The following GPAM variants were observed in gnomAD, a reference collection of about 807,000 sequenced individuals.
GPAM encodes the protein glycerol-3-phosphate acyltransferase, mitochondrial.
In GPAM, 56 loss-of-function variants were observed where a neutral mutation model predicts 105.0. That is an observed-to-expected ratio of 0.53 (90% CI 0.43 to 0.67). The LOEUF (loss-of-function observed/expected upper bound fraction) is 0.67. Among genes scored for constraint, GPAM ranks in the 30% least tolerant of loss-of-function variants. The pLI, the probability that GPAM is intolerant of heterozygous loss-of-function variation, is 0.00. For synonymous variants in GPAM, 368 were observed against 354.4 expected (o/e 1.04, Z -0.43); for missense variants, 855 against 989.8 (o/e 0.86, Z 1.83).
At chr10:112,173,676 C>A in intron 7 of GPAM, 23 bp downstream of exon 7, 1 of 1,612,042 alleles carries the variant, frequency 6.2e-7, no homozygotes, top group Non-Finnish European at 8.5e-7. Context: ...TGATTGAAAG[C>A]TTTCTGCCTT....
At position 112,157,293 on chromosome 10, in the gene GPAM, C is replaced by G; in HGVS notation, c.2077G>C (p.Glu693Gln). 1 of 1,613,800 alleles carries G rather than the reference C, an allele frequency of 6.2e-7. No individual in the cohort carries two copies. Among genetic ancestry groups the G allele is most frequent in the Non-Finnish European group, 8.5e-7 (1 of 1,179,650 alleles). ...PLSWRSDEEDEDSDFGEEQRD... is the reference protein window; with the variant it reads ...PLSWRSDEEDQDSDFGEEQRD... ...TGTTCCTCCCCAAAGTCACTGTCTT[C>G]ATCTTCTTCATCACTTCTCCAAGAC... The change falls in exon 19 of 22, where the codon GAA becomes CAA. Residue 693 changes from glutamate to glutamine, a missense_variant. Coordinates refer to ENST00000348367, the MANE Select transcript of GPAM (RefSeq NM_001244949.2).
chr10:112,197,532 A>G (rs919471685), intron 1 of GPAM, among the ~76,000 whole-genome samples: 1 of 146,480 alleles, frequency 6.8e-6, no homozygotes, highest in Admixed American at 7.0e-5. Context: ...ACATGTGCAC[A>G]TTGTGCAGGT....
At chr10:112,164,741 T>G (rs987296120) in intron 12 of GPAM, 131 bp from the exon 13 acceptor site, 20 of 681,626 alleles carry the variant, frequency 2.9e-5, no homozygotes, top group Non-Finnish European at 4.0e-5. Context: ...TGGGAAATAC[T>G]TTCTATATCC....
intron 17 of GPAM, among the ~76,000 whole-genome samples, chr10:112,159,581 A>AG (rs1847084994): frequency 6.6e-6 from 1 of 152,130 alleles, no homozygotes; most frequent in Admixed American, 6.5e-5. Context: ...CATCATCTAC[A>AG]GGTGGGTGTG....
upstream of GPAM, among the ~76,000 whole-genome samples, chr10:112,185,267 T>G (rs1847578336): frequency 6.6e-6 from 1 of 151,186 alleles, no homozygotes; most frequent in African/African-American, 2.4e-5. Flanking sequence ...CCTAACAAGG[T>G]AAAATTTGCA....
chr10:112,153,562 A>G lies in GPAM; in HGVS notation c.2475T>C (p.Phe825=). 6.2e-7 allele frequency: 1 copy of G among 1,614,058 alleles called. No individual in the cohort carries two copies. Residue 825 remains phenylalanine, a synonymous_variant, in exon 22 of 22, where the codon TTT becomes TTC. Transcript: ENST00000348367. Reference sequence around the variant, plus strand: ...TGCCACACGTTACCTACAGCACCACAAAACTCAGAATATATTCTAGAAGTT... The same window carrying G: ...TGCCACACGTTACCTACAGCACCACGAAACTCAGAATATATTCTAGAAGTT... ...RQKLLEYILS[F]VVL
At chr10:112,201,918 T>A (rs1168405330) in intron 1 of GPAM, among the ~76,000 whole-genome samples, 2 of 152,354 alleles carry the variant, frequency 1.3e-5, no homozygotes, top group African/African-American at 4.8e-5. Flanking sequence ...ATTGAGCATT[T>A]ACTCTGTGCC....
At chr10:112,222,823 G>A in the GPAM span, among the ~76,000 whole-genome samples, 1 of 152,178 alleles carries the variant, frequency 6.6e-6, no homozygotes, top group African/African-American at 2.4e-5. Flanking sequence ...ACAGAGCCAG[G>A]CCCAGCCACA....
rs543643567 is a variant in GPAM at position 112,181,873 on chromosome 10, C to G, written c.-29-60G>C. The G allele has an allele frequency of 3.8e-5, 29 of 771,550 alleles. No individual in the cohort carries two copies. In the South Asian group the frequency reaches 4.0e-4, roughly 11 times the overall value. 47.8% of individuals were successfully genotyped at this position (771,550 alleles called of 1,614,324 possible). A position where few individuals can be genotyped will look rare whatever the true frequency, so the allele number is the denominator to read the frequency against. The stretch of plus-strand genomic sequence containing the variant: ...AATCGAGAGAGTAAATACTAGAACT[C>G]AAAATTCTGATTTCTACATTACTTT... On this transcript the variant is annotated intron_variant, in intron 2 of 21. Transcript: ENST00000348367.
At chr10:112,156,743 T>C in intron 19 of GPAM, 1 of 172,380 alleles carries the variant, frequency 5.8e-6, no homozygotes. Flanking sequence ...AAAAGACGGG[T>C]CATTATTACT....
chr10:112,226,208 G>C, the GPAM span, among the ~76,000 whole-genome samples: 2 of 152,212 alleles, frequency 1.3e-5, no homozygotes, highest in African/African-American at 4.8e-5. Flanking sequence ...TCAAGGAGAT[G>C]CTAAAGGAGG....
rs145738940 is a variant in GPAM at position 112,176,259 on chromosome 10, G to A, written c.300-546C>T. Among the ~76,000 whole-genome samples the A allele has an allele frequency of 7.2e-3, 1,103 of 152,204 alleles. 14 individuals are homozygous for A. The highest frequency in any genetic ancestry group is 0.025 in the African/African-American group (1,054 of 41,540). On this transcript the variant is annotated intron_variant, in intron 5 of 21. Coordinates refer to ENST00000348367, the MANE Select transcript of GPAM (RefSeq NM_001244949.2). ...GCATGATCTAAATATTTGTACTCTA[G>A]GCTAACGAAGCCAGAATTTCTCACT...
chr10:112,173,688 C>G lies in GPAM; in HGVS notation c.560+11G>C, dbSNP rs1468400782. ...CTGTGATTGAAAGCTTTCTGCCTTG[C>G]CTTTTAATACCTGATCATTGCCGGT... On this transcript the variant is annotated intron_variant, in intron 7 of 21. Coordinates refer to ENST00000348367, the MANE Select transcript of GPAM (RefSeq NM_001244949.2). The G allele has an allele frequency of 6.2e-7, 1 of 1,613,294 alleles. No homozygotes were observed. The highest frequency in any genetic ancestry group is 8.5e-7 in the Non-Finnish European group (1 of 1,179,244).
chr10:112,150,245 T>C lies in GPAM; in HGVS notation c.*3305A>G, dbSNP rs1846890969. 1.0e-6 allele frequency: 1 copy of C among 984,072 alleles called. No homozygotes were observed. Among genetic ancestry groups the C allele is most frequent in the African/African-American group, 1.7e-5 (1 of 57,222 alleles). 61.0% of individuals were successfully genotyped at this position (984,072 alleles called of 1,614,324 possible). ...GAAACCTCAACGATAGGTCCTGTCA[T>C]GTCTAAACACTACAACTATCTGTGG... On this transcript the variant is annotated 3_prime_UTR_variant, in exon 22 of 22. Coordinates refer to ENST00000348367, the MANE Select transcript of GPAM (RefSeq NM_001244949.2).
rs1846904411 is a variant in GPAM at position 112,150,912 on chromosome 10, C to T, written c.*2638G>A. 3 of 985,106 alleles carry T rather than the reference C, an allele frequency of 3.0e-6. No individual in the cohort carries two copies. The highest frequency in any genetic ancestry group is 3.6e-6 in the Non-Finnish European group (3 of 829,696). 61.0% of individuals were successfully genotyped at this position (985,106 alleles called of 1,614,324 possible). On this transcript the variant is annotated 3_prime_UTR_variant, in exon 22 of 22. Coordinates refer to ENST00000348367, the MANE Select transcript of GPAM (RefSeq NM_001244949.2). Reference sequence around the variant, plus strand: ...ATCCCAGAAATATTTTCTCCATTTACCCTCATGACTTTGTGAAATTTAACA... The same window carrying T: ...ATCCCAGAAATATTTTCTCCATTTATCCTCATGACTTTGTGAAATTTAACA...
intron 6 of GPAM, among the ~76,000 whole-genome samples, chr10:112,174,095 T>A (rs1038130839): frequency 9.1e-5 from 6 of 65,774 alleles, no homozygotes; most frequent in African/African-American, 3.2e-4. Flanking sequence ...TAATTCAAAT[T>A]TACTGGGTGA....
At position 112,151,677 on chromosome 10, in the gene GPAM, G is replaced by A; in HGVS notation, c.*1873C>T. On this transcript the variant is annotated 3_prime_UTR_variant, in exon 22 of 22. Coordinates refer to ENST00000348367, the MANE Select transcript of GPAM (RefSeq NM_001244949.2). ...TGACAGGCAGGGCAGAGTGTCGACT[G>A]GGAAGCGAGTCCCAATCTTGAATAA... 1 of 985,246 alleles carries A rather than the reference G, an allele frequency of 1.0e-6. No individual in the cohort carries two copies. Among genetic ancestry groups the A allele is most frequent in the South Asian group, 4.7e-5 (1 of 21,266 alleles). The allele number at this position is 985,246 out of a possible 1,614,324, so 61.0% of individuals were successfully genotyped here.
In GPAM at chr10:112,153,464, T is replaced by C. The variant is rs2297991; in HGVS notation, c.*86A>G. ...GGACAGGGCAGGCCTGACCCTGCGA[T>C]GGCACCTTCAACTCTTGAGCCAGAA... On this transcript the variant is annotated 3_prime_UTR_variant, in exon 22 of 22. Coordinates refer to ENST00000348367, the MANE Select transcript of GPAM (RefSeq NM_001244949.2). 0.71 allele frequency: 1,143,935 copies of C among 1,604,694 alleles called. 409,275 individuals carry two copies. Among genetic ancestry groups the C allele is most frequent in the South Asian group, 0.82 (73,802 of 90,444 alleles).
At chr10:112,187,131 A>G (rs747798909), upstream of GPAM, among the ~76,000 whole-genome samples, 25 of 152,226 alleles carry the variant, frequency 1.6e-4, no homozygotes, top group Non-Finnish European at 3.2e-4. Context: ...CTTAAGTCGA[A>G]TTTTTAAGAT....
Sources: gnomAD v4.1 joint callset for allele counts (sites outside exome capture counted in the v4.1 genomes callset) on GRCh38, gnomAD v4.1.1 for gene constraint, MANE v1.5 for transcripts, NCBI Gene and HGNC (gene_info 2026-07-23, HGNC 2026-07-21) for gene names.